Variants in NAA35 observed in about 807,000 individuals in gnomAD.
NAA35 encodes MAK10 homolog, amino-acid N-acetyltransferase subunit.
A neutral mutation model predicts 101.7 loss-of-function variants in NAA35; 18 were observed. That is an observed-to-expected ratio of 0.18 (90% CI 0.12 to 0.26). The LOEUF (loss-of-function observed/expected upper bound fraction) is 0.26. Ranked by LOEUF, NAA35 falls within the 10% of genes least tolerant of loss-of-function variation. The pLI, the probability that NAA35 is intolerant of heterozygous loss-of-function variation, is 1.00. For synonymous variants in NAA35, 267 were observed against 273.1 expected (o/e 0.98, Z 0.22); for missense variants, 601 against 886.8 (o/e 0.68, Z 4.09).
At chr9:86,004,701 C>CT (rs1212926047) in intron 13 of NAA35, among the ~76,000 whole-genome samples, 1 of 151,894 alleles carries the variant, frequency 6.6e-6, no homozygotes, top group Non-Finnish European at 1.5e-5. Context: ...ATAAAAATGA[C>CT]TAATATCAAG....
At chr9:85,959,756 ATTT>A (rs760685985) in intron 4 of NAA35, 34 bp from the exon 5 acceptor site, 265 of 1,493,258 alleles carry the variant, frequency 1.8e-4, no homozygotes, top group Non-Finnish European at 2.2e-4. Context: ...GTTTAAAAAA[ATTT>A]CTGCTTATAT....
At position 85,996,527 on chromosome 9, in the gene NAA35, A is replaced by G. The variant is rs1339583336; in HGVS notation, c.1006A>G (p.Ile336Val). Residue 336 changes from isoleucine (I) to valine (V), a missense_variant, in exon 12 of 23, where the codon ATA becomes GTA. Ile to Val is a conservative substitution (Grantham distance 29). Transcript: ENST00000361671. Reference sequence around the variant, plus strand: ...CTATTTTGCAAGATTAATAGATAGAATAAAAACTGTCTGTGAGGTTGTGAA... The same window carrying G: ...CTATTTTGCAAGATTAATAGATAGAGTAAAAACTGTCTGTGAGGTTGTGAA... ...VNYFARLIDR[I>V]KTVCEVVNLT... 1 of 1,600,350 alleles carries G rather than the reference A, an allele frequency of 6.2e-7. No individual in the cohort carries two copies. The highest frequency in any genetic ancestry group is 8.5e-7 in the Non-Finnish European group (1 of 1,176,146).
intron 12 of NAA35, among the ~76,000 whole-genome samples, chr9:86,000,039 G>T (rs1482499257): frequency 6.6e-6 from 1 of 152,038 alleles, no homozygotes; most frequent in Non-Finnish European, 1.5e-5. Flanking sequence ...CACTTGGCCT[G>T]CCTTGGACTC....
chr9:85,943,406 A>G (rs1313813109), intron 2 of NAA35, among the ~76,000 whole-genome samples: 1 of 152,118 alleles, frequency 6.6e-6, no homozygotes, highest in Non-Finnish European at 1.5e-5. Context: ...GTATTGTCTC[A>G]AGCAGCTTAG....
At chr9:85,941,951 A>G (rs1828538350) in intron 1 of NAA35, 1 of 1,247,532 alleles carries the variant, frequency 8.0e-7, no homozygotes, top group Non-Finnish European at 1.0e-6. Flanking sequence ...TGGTGGGCTA[A>G]TAGTAAGCAG....
intron 16 of NAA35, among the ~76,000 whole-genome samples, chr9:86,013,484 G>A (rs1276542462): frequency 1.3e-5 from 2 of 152,150 alleles, no homozygotes; most frequent in African/African-American, 4.8e-5. Context: ...AAGTGTATTT[G>A]TATTTTTGTC....
intron 6 of NAA35, among the ~76,000 whole-genome samples, chr9:85,963,845 C>T (rs779951650): frequency 3.9e-5 from 6 of 152,114 alleles, no homozygotes; most frequent in Non-Finnish European, 8.8e-5. Flanking sequence ...GTTACTTTAT[C>T]ATCATTTCAT....
intron 22 of NAA35, 28 bp downstream of exon 22, chr9:86,020,997 G>A: frequency 2.0e-6 from 3 of 1,514,626 alleles, no homozygotes; most frequent in Non-Finnish European, 2.7e-6. Context: ...AAAATAAGTG[G>A]TCTTAGATTA....
chr9:85,945,234 C>T (rs1228676268), intron 2 of NAA35, among the ~76,000 whole-genome samples: 2 of 152,076 alleles, frequency 1.3e-5, no homozygotes, highest in Non-Finnish European at 1.5e-5. Flanking sequence ...TTAGCTCTTG[C>T]ACTGTGTTGA....
At chr9:85,974,097 C>T (rs61513583) in intron 6 of NAA35, among the ~76,000 whole-genome samples, 6,734 of 152,114 alleles carry the variant, frequency 0.044, 477 homozygotes, top group African/African-American at 0.15. Flanking sequence ...GCTGGGATTA[C>T]AGATACATGC....
At chr9:86,012,926 C>A (rs1314439438) in intron 15 of NAA35, 120 bp from the exon 16 acceptor site, 1 of 510,464 alleles carries the variant, frequency 2.0e-6, no homozygotes, top group Non-Finnish European at 3.2e-6. Context: ...ATACATAGAC[C>A]TAATTCTTAC....
At position 86,003,255 on chromosome 9, in the gene NAA35, A is replaced by G. The variant is rs73476920; in HGVS notation, c.1057-330A>G. Among the ~76,000 whole-genome samples the G allele has an allele frequency of 6.7e-3, 1,023 of 152,286 alleles. 13 individuals are homozygous for G. Among genetic ancestry groups the G allele is most frequent in the African/African-American group, 0.024 (989 of 41,554 alleles). On this transcript the variant is annotated intron_variant, in intron 12 of 22. Coordinates refer to ENST00000361671, the MANE Select transcript of NAA35 (RefSeq NM_024635.4). ...CATCCAGTTGACTTGATTACTTGGAATTTATTTCTGTGAAATAGGAACTAA... is the reference window on the plus strand; with the variant it reads ...CATCCAGTTGACTTGATTACTTGGAGTTTATTTCTGTGAAATAGGAACTAA...
In NAA35 at chr9:85,996,436, C is replaced by G; in HGVS notation, c.915C>G (p.Asn305Lys). Residue 305 changes from asparagine (N) to lysine (K), a missense_variant, in exon 12 of 23, where the codon AAC (asparagine) becomes AAG (lysine). Around this residue, in one of 8 missense-constraint regions of NAA35, gnomAD observed 190 missense variants for 223.1 expected, o/e 0.85. Coordinates refer to ENST00000361671, the MANE Select transcript of NAA35 (RefSeq NM_024635.4). ...TGATGGGTTTTGAACCCCTTGTGAA[C>G]CAGAGGCTACTTCCACCTACCTTCC... ...PIMMGFEPLV[N>K]QRLLPPTFPR... 1.2e-6 allele frequency: 2 copies of G among 1,606,216 alleles called. No individual in the cohort carries two copies. The highest frequency in any genetic ancestry group is 1.7e-6 in the Non-Finnish European group (2 of 1,177,792).
intron 11 of NAA35, among the ~76,000 whole-genome samples, chr9:85,983,455 T>A (rs1182676551): frequency 6.6e-6 from 1 of 152,146 alleles, no homozygotes; most frequent in Admixed American, 6.6e-5. Flanking sequence ...ACAGTGCTCT[T>A]AATGGTTTTT....
chr9:85,993,628 A>T (rs1831025969), intron 11 of NAA35, among the ~76,000 whole-genome samples: 1 of 152,196 alleles, frequency 6.6e-6, no homozygotes, highest in South Asian at 2.1e-4. Flanking sequence ...CAGACCATTG[A>T]ACTGTACATT....
intron 11 of NAA35, 40 bp downstream of exon 11, chr9:85,978,421 T>G: frequency 7.3e-7 from 1 of 1,367,094 alleles, no homozygotes; most frequent in African/African-American, 1.4e-5. Context: ...TTTTCTTCGT[T>G]TCTATCCAAA....
chr9:85,948,679 A>G (rs1828871914), intron 2 of NAA35, among the ~76,000 whole-genome samples: 1 of 152,184 alleles, frequency 6.6e-6, no homozygotes, highest in Admixed American at 6.5e-5. Flanking sequence ...TTTTGCAGGC[A>G]TTGTCCATTG....
intron 11 of NAA35, among the ~76,000 whole-genome samples, chr9:85,989,516 A>C (rs1564310389): frequency 6.6e-6 from 1 of 151,970 alleles, no homozygotes; most frequent in Non-Finnish European, 1.5e-5. Context: ...CAAAACAAAA[A>C]AACTGTGACC....
Position 86,013,139 on chromosome 9 carries a change from G to A in NAA35, c.1384G>A (p.Asp462Asn), listed in dbSNP as rs200547619. The stretch of plus-strand genomic sequence containing the variant: ...TCTTGAGGAATTTGCCACCTTGCAG[G>A]ATGAGGTAAGAGCCAGGTTCCCCTC... ...HILEEFATLQDEAEKVDAALH... is the reference protein window; with the variant it reads ...HILEEFATLQNEAEKVDAALH... The change falls in exon 16 of 23, where the codon GAT becomes AAT. Residue 462 changes from aspartate to asparagine, a missense_variant. Asp to Asn is a conservative substitution (Grantham distance 23). This residue lies in a region of NAA35 where 99 missense variants were observed against 206.7 expected (regional missense o/e 0.48). Transcript: ENST00000361671. The A allele has an allele frequency of 1.9e-6, 3 of 1,588,676 alleles. No individual in the cohort carries two copies. Among genetic ancestry groups the A allele is most frequent in the Middle Eastern group, 1.7e-4 (1 of 5,950 alleles).
Sources: allele counts gnomAD v4.1 joint callset (sites outside exome capture counted in the v4.1 genomes callset), GRCh38; gene constraint gnomAD v4.1.1; regional missense constraint gnomAD v4.1.1; transcripts MANE v1.5; gene names NCBI Gene and HGNC (gene_info 2026-07-23, HGNC 2026-07-21).